The following IMMP2L variants were observed in gnomAD, a reference collection of about 807,000 sequenced individuals.
IMMP2L encodes the protein mitochondrial inner membrane protease subunit 2.
IMMP2L carries 18 observed loss-of-function variants against 19.3 expected under a neutral mutation model. The ratio of observed to expected loss-of-function variants is 0.93; its 90% confidence interval spans 0.64 to 1.38. The LOEUF is 1.38. IMMP2L is among the 40% of genes most tolerant of loss of function. The probability of loss-of-function intolerance (pLI) is 0.00; values close to 1 mark genes in which losing one functional copy is unlikely to be tolerated. For synonymous variants in IMMP2L, 76 were observed against 73.0 expected, an observed-to-expected ratio of 1.04 and a Z score of -0.21; for missense variants, 233 against 218.2, an observed-to-expected ratio of 1.07 and a Z score of -0.43.
At chr7:110,841,390 G>A (rs1805067967) in intron 5 of IMMP2L, among the ~76,000 whole-genome samples, 1 of 108,086 alleles carries the variant, frequency 9.3e-6, no homozygotes, top group Non-Finnish European at 2.2e-5. Flanking sequence ...CATGATTCTT[G>A]TCTTTAAAAT....
rs758987493 is a variant in IMMP2L, at chr7:111,123,219, CA to C, written c.240-159655del. The C allele has an allele frequency of 6.2e-7, 1 of 1,613,912 alleles. No homozygotes were observed. The highest frequency in any genetic ancestry group is 8.5e-7 in the Non-Finnish European group (1 of 1,179,928). On this transcript the variant is annotated intron_variant, in intron 3 of 5. Coordinates refer to ENST00000405709, the MANE Select transcript of IMMP2L (RefSeq NM_032549.4). This position sits in a 1 kb window ranked among gnomAD's most constrained non-coding sequence, Gnocchi z 6.4. ...ACTTACAAGAACTCTATATTAATCA[CA>C]ACTTGCTTTCTACAATTTCACCTGG... is the stretch of plus-strand genomic sequence containing the variant.
At chr7:111,332,618 T>C (rs763770075) in intron 3 of IMMP2L, among the ~76,000 whole-genome samples, 6 of 151,932 alleles carry the variant, frequency 3.9e-5, no homozygotes, top group Non-Finnish European at 7.4e-5. Flanking sequence ...GGCAGATCAA[T>C]AAACATGTAA....
chr7:110,762,910 T>C (rs1250982328), intron 5 of IMMP2L, among the ~76,000 whole-genome samples: 4 of 152,190 alleles, frequency 2.6e-5, no homozygotes, highest in Non-Finnish European at 5.9e-5. Context: ...TCCCATTTCC[T>C]ATTATTATTA....
In IMMP2L at chr7:110,727,750, A is replaced by T. The variant is rs1290559291; in HGVS notation, c.409-64029T>A. Among the ~76,000 whole-genome samples, 1 of 152,216 alleles carries T rather than the reference A, an allele frequency of 6.6e-6. No homozygotes were observed. Among genetic ancestry groups the T allele is most frequent in the African/African-American group, 2.4e-5 (1 of 41,466 alleles). The stretch of plus-strand genomic sequence containing the variant: ...ATTCTTACCTCCGAAGCTACTGTAG[A>T]GAGTATTATTATCTAAGAGAGTCTG... On this transcript the variant is annotated intron_variant, in intron 5 of 5. Coordinates refer to ENST00000405709, the MANE Select transcript of IMMP2L (RefSeq NM_032549.4). The surrounding 1 kb of genome is among the most constrained non-coding windows in gnomAD (Gnocchi z 4.3).
chr7:111,398,327 A>C (rs1388043253), intron 3 of IMMP2L, among the ~76,000 whole-genome samples: 1 of 152,162 alleles, frequency 6.6e-6, no homozygotes, highest in Non-Finnish European at 1.5e-5. Context: ...TTTAACATAC[A>C]CAAGTCAATA....
At chr7:111,541,834 G>A (rs1380457655) in intron 1 of IMMP2L, among the ~76,000 whole-genome samples, 1 of 151,856 alleles carries the variant, frequency 6.6e-6, no homozygotes, top group African/African-American at 2.4e-5. Context: ...AAAAGACGAG[G>A]CATATCACCT....
At chr7:111,514,731 T>G (rs1049526438) in intron 2 of IMMP2L, among the ~76,000 whole-genome samples, 1 of 152,088 alleles carries the variant, frequency 6.6e-6, no homozygotes, top group African/African-American at 2.4e-5. Context: ...TATGGATTCA[T>G]AGCCAATCTT....
At chr7:111,554,311 T>C (rs1167867160) in intron 1 of IMMP2L, among the ~76,000 whole-genome samples, 2 of 152,116 alleles carry the variant, frequency 1.3e-5, no homozygotes, top group Non-Finnish European at 2.9e-5. Context: ...CTGAAACATA[T>C]TAACCCCCTA....
chr7:111,269,020 T>C (rs1432328696), intron 3 of IMMP2L, among the ~76,000 whole-genome samples: 3 of 152,094 alleles, frequency 2.0e-5, no homozygotes, highest in Non-Finnish European at 4.4e-5. Context: ...AGTTACTGCA[T>C]AGGGCACAAA....
At chr7:111,200,791 A>G (rs148427985) in intron 3 of IMMP2L, among the ~76,000 whole-genome samples, 45 of 152,288 alleles carry the variant, frequency 3.0e-4, no homozygotes, top group South Asian at 2.1e-3. Context: ...AACTTGAGGA[A>G]TAAAAGGAAT....
intron 3 of IMMP2L, among the ~76,000 whole-genome samples, chr7:111,205,801 T>C (rs1810640759): frequency 6.6e-6 from 1 of 152,126 alleles, no homozygotes; most frequent in South Asian, 2.1e-4. Context: ...GAGGAGCCCA[T>C]GGGAACAAGC....
chr7:111,122,859 T>C, intron 3 of IMMP2L: 1 of 1,613,972 alleles, frequency 6.2e-7, no homozygotes, highest in Non-Finnish European at 8.5e-7. Flanking sequence ...AAGTGGATTG[T>C]CCACGGTTAT....
chr7:111,144,474 A>C (rs527633001), intron 3 of IMMP2L, among the ~76,000 whole-genome samples: 4 of 152,278 alleles, frequency 2.6e-5, no homozygotes, highest in Admixed American at 2.0e-4. Context: ...AGCTGATCAT[A>C]ATGCTCATTG....
chr7:111,138,083 G>A (rs1482882287), intron 3 of IMMP2L, among the ~76,000 whole-genome samples: 1 of 152,056 alleles, frequency 6.6e-6, no homozygotes, highest in East Asian at 1.9e-4. Context: ...TGCTCCCCTA[G>A]GCCTCCCAAA....
At chr7:111,046,039 C>G (rs758040711) in intron 3 of IMMP2L, among the ~76,000 whole-genome samples, 1 of 151,724 alleles carries the variant, frequency 6.6e-6, no homozygotes, top group Non-Finnish European at 1.5e-5. Context: ...AAATACAAAT[C>G]TTAACATAAT....
chr7:111,310,208 G>T (rs1823358403), intron 3 of IMMP2L, among the ~76,000 whole-genome samples: 1 of 150,348 alleles, frequency 6.7e-6, no homozygotes, highest in South Asian at 2.1e-4. Context: ...ACTCAAGCCT[G>T]GGCAACAGAG....
chr7:111,121,067 T>C (rs958440830), intron 3 of IMMP2L, among the ~76,000 whole-genome samples: 2 of 152,076 alleles, frequency 1.3e-5, no homozygotes, highest in African/African-American at 4.8e-5. Context: ...AGATTTGAAA[T>C]AACAGAAAAC....
chr7:111,010,963 A>G (rs1405237011), intron 3 of IMMP2L, among the ~76,000 whole-genome samples: 4 of 151,636 alleles, frequency 2.6e-5, no homozygotes, highest in Non-Finnish European at 5.9e-5. Context: ...GTCAAGATAC[A>G]GACCCAGGTG....
At chr7:110,842,436 G>C (rs571188610) in intron 5 of IMMP2L, among the ~76,000 whole-genome samples, 6 of 152,288 alleles carry the variant, frequency 3.9e-5, no homozygotes, top group Admixed American at 6.5e-5. Context: ...AGATTGCACC[G>C]TGGAAGTGAT....
Sources: allele counts gnomAD v4.1 joint callset (sites outside exome capture counted in the v4.1 genomes callset), GRCh38; gene constraint gnomAD v4.1.1; non-coding constraint Gnocchi (gnomAD v3.1); transcripts MANE v1.5; gene names NCBI Gene and HGNC (gene_info 2026-07-23, HGNC 2026-07-21).